The following NXPH1 variants were observed in gnomAD, a reference collection of about 807,000 sequenced individuals.
NXPH1 encodes the protein neurexophilin 1.
In NXPH1, 5 loss-of-function variants were observed where a neutral mutation model predicts 23.7. The ratio of observed to expected loss-of-function variants is 0.21; its 90% CI spans 0.11 to 0.44. The LOEUF is 0.44. Among genes scored for constraint, NXPH1 ranks in the 20% least tolerant of loss-of-function variants. The pLI, the probability that NXPH1 is intolerant of heterozygous loss-of-function variation, is 0.99. For missense variants in NXPH1, 324 were observed against 321.6 expected, an observed-to-expected ratio of 1.01 and a Z score of -0.06; for synonymous variants, 144 against 122.2, an observed-to-expected ratio of 1.18 and a Z score of -1.18.
At chr7:8,548,340 G>A (rs1818226738) in intron 2 of NXPH1, among the ~76,000 whole-genome samples, 1 of 151,472 alleles carries the variant, frequency 6.6e-6, no homozygotes, top group Non-Finnish European at 1.5e-5. Context: ...AATCTGCATG[G>A]CGACATTTTT....
chr7:8,481,812 T>C lies in NXPH1; in HGVS notation c.54+46045T>C, dbSNP rs186737001. On this transcript the variant is annotated intron_variant, in intron 2 of 2. Coordinates refer to ENST00000405863, the MANE Select transcript of NXPH1 (RefSeq NM_152745.3). ...AGCATAGCACCTGTTAGTTTTTCAA[T>C]CCTTGCCCCACTCCCTCCTTCCTCC... is the stretch of plus-strand genomic sequence containing the variant. 3.0e-4 allele frequency among the ~76,000 whole-genome samples: 46 copies of C among 152,282 alleles called. 1 individual carries two copies. In the East Asian group the frequency reaches 6.8e-3, roughly 22 times the overall value.
At chr7:8,531,571 A>G (rs1424986623) in intron 2 of NXPH1, among the ~76,000 whole-genome samples, 1 of 152,108 alleles carries the variant, frequency 6.6e-6, no homozygotes, top group Non-Finnish European at 1.5e-5. Flanking sequence ...CTTACTTACT[A>G]ACACCTGATG....
intron 2 of NXPH1, among the ~76,000 whole-genome samples, chr7:8,466,052 G>A (rs1456805802): frequency 2.6e-5 from 4 of 152,156 alleles, no homozygotes; most frequent in Admixed American, 1.3e-4. Context: ...CTAATGAAAT[G>A]ATCTGTGAAA....
chr7:8,460,902 C>G (rs1287455800), intron 2 of NXPH1, among the ~76,000 whole-genome samples: 2 of 152,194 alleles, frequency 1.3e-5, no homozygotes, highest in Non-Finnish European at 2.9e-5. Context: ...ATGAAATAAT[C>G]CATGTGAAAG....
intron 2 of NXPH1, among the ~76,000 whole-genome samples, chr7:8,682,334 G>C (rs151311147): frequency 6.6e-6 from 1 of 152,178 alleles, no homozygotes; most frequent in East Asian, 1.9e-4. Context: ...GTCTTGGGAC[G>C]AGATCAGGAG....
At chr7:8,458,691 C>T (rs1046759003) in intron 2 of NXPH1, among the ~76,000 whole-genome samples, 10 of 146,398 alleles carry the variant, frequency 6.8e-5, no homozygotes, top group Non-Finnish European at 1.5e-5. Flanking sequence ...GTGATGATTG[C>T]GGCATTTGGT....
intron 2 of NXPH1, among the ~76,000 whole-genome samples, chr7:8,697,186 T>C (rs1278318744): frequency 6.9e-6 from 1 of 144,576 alleles, no homozygotes; most frequent in African/African-American, 2.6e-5. Flanking sequence ...AAAAAGTGAA[T>C]GATGAAGTGA....
chr7:8,488,687 A>T (rs1404779161), intron 2 of NXPH1, among the ~76,000 whole-genome samples: 1 of 152,150 alleles, frequency 6.6e-6, no homozygotes, highest in Non-Finnish European at 1.5e-5. Context: ...GACCTAGATC[A>T]ATCACCTATA....
chr7:8,488,618 C>A (rs150445987), intron 2 of NXPH1, among the ~76,000 whole-genome samples: 1 of 152,174 alleles, frequency 6.6e-6, no homozygotes, highest in African/African-American at 2.4e-5. Flanking sequence ...TGTTTTTGGT[C>A]TTCTGAAGGC....
chr7:8,607,076 G>A lies in NXPH1; in HGVS notation c.55-143932G>A, dbSNP rs1277952361. 4.6e-5 allele frequency among the ~76,000 whole-genome samples: 7 copies of A among 151,842 alleles called. No homozygotes were observed. In the South Asian group the frequency reaches 1.2e-3, roughly 27 times the overall value. On this transcript the variant is annotated intron_variant, in intron 2 of 2. Coordinates refer to ENST00000405863, the MANE Select transcript of NXPH1 (RefSeq NM_152745.3). ...CTAGTTTTTCCTGGGACAAATATAC[G>A]GTTGGACTCATATATATCCTGGGAC...
intron 2 of NXPH1, among the ~76,000 whole-genome samples, chr7:8,565,110 G>C (rs951222832): frequency 1.3e-5 from 2 of 151,704 alleles, no homozygotes; most frequent in Non-Finnish European, 2.9e-5. Context: ...AATCAGATGT[G>C]GCCCTGTGTA....
intron 2 of NXPH1, among the ~76,000 whole-genome samples, chr7:8,669,189 C>A (rs1820827920): frequency 6.6e-6 from 1 of 152,090 alleles, no homozygotes; most frequent in Non-Finnish European, 1.5e-5. Flanking sequence ...TGGGGCCAGC[C>A]CAAGACTGGG....
chr7:8,713,141 T>A (rs566135111), intron 2 of NXPH1, among the ~76,000 whole-genome samples: 88 of 152,242 alleles, frequency 5.8e-4, no homozygotes, highest in South Asian at 1.2e-3. Flanking sequence ...TATTCTTTTT[T>A]CTTTTGTCTC....
intron 2 of NXPH1, among the ~76,000 whole-genome samples, chr7:8,468,907 A>T (rs1816826420): frequency 6.6e-6 from 1 of 152,044 alleles, no homozygotes; most frequent in Non-Finnish European, 1.5e-5. Context: ...TATTTCTGGA[A>T]AAGTATATAA....
At chr7:8,558,394 A>T (rs1394880213) in intron 2 of NXPH1, among the ~76,000 whole-genome samples, 2 of 151,722 alleles carry the variant, frequency 1.3e-5, no homozygotes, top group Non-Finnish European at 3.0e-5. Flanking sequence ...GAAGAGTTAG[A>T]GCAGCTGGAG....
At chr7:8,619,825 G>A (rs1819826879) in intron 2 of NXPH1, among the ~76,000 whole-genome samples, 1 of 152,262 alleles carries the variant, frequency 6.6e-6, no homozygotes, top group South Asian at 2.1e-4. Context: ...TGTGAGGTGT[G>A]CTAGGAAGGC....
At chr7:8,607,717 G>C (rs968400808) in intron 2 of NXPH1, among the ~76,000 whole-genome samples, 54 of 152,120 alleles carry the variant, frequency 3.5e-4, no homozygotes, top group African/African-American at 1.3e-3. Flanking sequence ...AATTGTGTTG[G>C]CTATGCCTTT....
chr7:8,523,954 G>A (rs1817818311), intron 2 of NXPH1, among the ~76,000 whole-genome samples: 1 of 152,076 alleles, frequency 6.6e-6, no homozygotes, highest in Non-Finnish European at 1.5e-5. Flanking sequence ...ATACAGGAAA[G>A]CTATCTTCAG....
chr7:8,690,514 G>C (rs1821206901), intron 2 of NXPH1, among the ~76,000 whole-genome samples: 1 of 152,078 alleles, frequency 6.6e-6, no homozygotes, highest in South Asian at 2.1e-4. Context: ...TTTCAAGCAA[G>C]AAATAAGAAT....
Sources: gnomAD v4.1 joint callset for allele counts (sites outside exome capture counted in the v4.1 genomes callset) on GRCh38, gnomAD v4.1.1 for gene constraint, MANE v1.5 for transcripts, NCBI Gene and HGNC (gene_info 2026-07-23, HGNC 2026-07-21) for gene names.